The following KCNJ6 variants were observed in gnomAD, a reference collection of about 807,000 sequenced individuals.
The protein encoded by KCNJ6 is potassium inwardly rectifying channel subfamily J member 6.
Under a neutral mutation model 34.2 loss-of-function variants are expected in KCNJ6, and 9 were observed. That is an observed-to-expected ratio of 0.26 (90% CI 0.16 to 0.46). KCNJ6 has a LOEUF of 0.46. Ranked by LOEUF, KCNJ6 falls within the 20% of genes least tolerant of loss-of-function variation. The pLI is 1.00. For missense variants in KCNJ6, 236 were observed against 531.3 expected (o/e 0.44, Z 5.46); for synonymous variants, 196 against 207.1 (o/e 0.95, Z 0.46).
At chr21:37,690,669 T>C (rs2054635445) in intron 3 of KCNJ6, among the ~76,000 whole-genome samples, 1 of 152,234 alleles carries the variant, frequency 6.6e-6, no homozygotes, top group Non-Finnish European at 1.5e-5. Context: ...AAATGTGAAT[T>C]TTAAAAATTC....
At chr21:37,699,120 GA>G in intron 3 of KCNJ6, among the ~76,000 whole-genome samples, 1 of 152,202 alleles carries the variant, frequency 6.6e-6, no homozygotes, top group East Asian at 1.9e-4. Context: ...TTGTGACGGA[GA>G]CTATCCACAA....
rs117654820 is a variant in KCNJ6 at position 37,866,212 on chromosome 21, G to T, written c.-27-25503C>A. Among the ~76,000 whole-genome samples, 741 of 152,318 alleles carry T rather than the reference G, an allele frequency of 4.9e-3. 1 individual carries two copies. Among genetic ancestry groups the T allele is most frequent in the Non-Finnish European group, 8.3e-3 (566 of 68,030 alleles). On this transcript the variant is annotated intron_variant, in intron 1 of 3. Coordinates refer to ENST00000609713, the MANE Select transcript of KCNJ6 (RefSeq NM_002240.5). Reference sequence around the variant, plus strand: ...AGTTCCTGCCTGAGAGCTCCTGCCTGCTGTTCTTGGTGGCCTGCCCTTCAG... The same window carrying T: ...AGTTCCTGCCTGAGAGCTCCTGCCTTCTGTTCTTGGTGGCCTGCCCTTCAG...
intron 1 of KCNJ6, among the ~76,000 whole-genome samples, chr21:37,869,560 C>A (rs2123611075): frequency 6.6e-6 from 1 of 152,338 alleles, no homozygotes; most frequent in Non-Finnish European, 1.5e-5. Flanking sequence ...CTGCTCATTT[C>A]AAACCCTGTC....
At chr21:37,649,132 C>CAAAAAAAAAAAAAA (rs1169306298) in intron 3 of KCNJ6, among the ~76,000 whole-genome samples, 11 of 39,834 alleles carry the variant, frequency 2.8e-4, no homozygotes, top group Non-Finnish European at 4.7e-4. Context: ...GACTCCATCT[C>CAAAAAAAAAAAAAA]AAAAAAAAAA....
intron 1 of KCNJ6, among the ~76,000 whole-genome samples, chr21:37,844,654 C>A (rs2055497637): frequency 6.6e-6 from 1 of 152,218 alleles, no homozygotes; most frequent in South Asian, 2.1e-4. Context: ...TACCTCCTTG[C>A]CTTGGCAAGC....
At chr21:37,635,888 T>C (rs2054355699) in intron 3 of KCNJ6, among the ~76,000 whole-genome samples, 1 of 152,282 alleles carries the variant, frequency 6.6e-6, no homozygotes, top group Non-Finnish European at 1.5e-5. Flanking sequence ...TATCAAGTAC[T>C]ATATTAAAAA....
chr21:37,838,218 G>C (rs2055461606), intron 2 of KCNJ6, among the ~76,000 whole-genome samples: 1 of 152,176 alleles, frequency 6.6e-6, no homozygotes, highest in Non-Finnish European at 1.5e-5. Context: ...TAGAGATATT[G>C]TTCAGCCAAA....
rs945199906 is a variant in KCNJ6 at position 37,655,429 on chromosome 21, T to C, written c.947-29945A>G. Among the ~76,000 whole-genome samples the C allele has an allele frequency of 3.9e-4, 59 of 152,140 alleles. 1 individual carries two copies. The highest frequency in any genetic ancestry group is 1.3e-3 in the African/African-American group (53 of 41,412). The stretch of plus-strand genomic sequence containing the variant: ...TTATTTATGAAGAAGCTGAATGAAC[T>C]CATTGATTGTTCTTTACAAGAATTT... On this transcript the variant is annotated intron_variant, in intron 3 of 3. Coordinates refer to ENST00000609713, the MANE Select transcript of KCNJ6 (RefSeq NM_002240.5).
At chr21:37,709,404 C>A (rs2054738346) in intron 3 of KCNJ6, among the ~76,000 whole-genome samples, 1 of 152,080 alleles carries the variant, frequency 6.6e-6, no homozygotes. Context: ...ATCCCAGCTA[C>A]TCAGGAGGCT....
intron 1 of KCNJ6, among the ~76,000 whole-genome samples, chr21:37,862,709 G>T (rs1296809767): frequency 1.3e-5 from 2 of 152,180 alleles, no homozygotes; most frequent in African/African-American, 2.4e-5. Context: ...CTAGCGGTAG[G>T]CTGACTTAGT....
At position 37,714,655 on chromosome 21, in the gene KCNJ6, T is replaced by C; in HGVS notation, c.502A>G (p.Ile168Val). The C allele has an allele frequency of 6.2e-7, 1 of 1,613,974 alleles. No homozygotes were observed. Among genetic ancestry groups the C allele is most frequent in the Non-Finnish European group, 8.5e-7 (1 of 1,179,892 alleles). The change falls in exon 3 of 4, where the codon ATT (isoleucine) becomes GTT (valine). Residue 168 changes from isoleucine (I) to valine (V), a missense_variant. Around this residue, in one of 5 missense-constraint regions of KCNJ6, gnomAD observed 68 missense variants for 165.7 expected, o/e 0.41. Coordinates refer to ENST00000609713, the MANE Select transcript of KCNJ6 (RefSeq NM_002240.5). The surrounding 1 kb of genome is among the most constrained non-coding windows in gnomAD (Gnocchi z 5.9). ...ACAGATTGGATTAAGAGAAGAATAATTCCCTCTGGGCATTTATCTGTGATG... is the reference window on the plus strand; with the variant it reads ...ACAGATTGGATTAAGAGAAGAATAACTCCCTCTGGGCATTTATCTGTGATG... ...RVITDKCPEG[I>V]ILLLIQSVLG...
In KCNJ6 at chr21:37,822,178, C is replaced by T. The variant is rs1445298944; in HGVS notation, c.25+18480G>A. 3.3e-5 allele frequency among the ~76,000 whole-genome samples: 5 copies of T among 152,184 alleles called. No homozygotes were observed. In the South Asian group the frequency reaches 8.3e-4, roughly 25 times the overall value. On this transcript the variant is annotated intron_variant, in intron 2 of 3. Transcript: ENST00000609713. The stretch of plus-strand genomic sequence containing the variant: ...CAGATGTAATAACAATCTGGCTGCA[C>T]GTGGAGGATGACAGGTCCCTTGTCA...
At chr21:37,820,010 A>T (rs1435740389) in intron 2 of KCNJ6, among the ~76,000 whole-genome samples, 1 of 151,760 alleles carries the variant, frequency 6.6e-6, no homozygotes, top group Non-Finnish European at 1.5e-5. Flanking sequence ...CTGGTCTCGA[A>T]CTCCTGAGCT....
intron 2 of KCNJ6, among the ~76,000 whole-genome samples, chr21:37,761,351 T>C (rs1568838729): frequency 6.6e-6 from 1 of 151,220 alleles, no homozygotes; most frequent in African/African-American, 2.4e-5. Context: ...TATTTGTGTG[T>C]TGTATGTAGT....
chr21:37,710,123 A>T (rs2054743658), intron 3 of KCNJ6, among the ~76,000 whole-genome samples: 1 of 152,204 alleles, frequency 6.6e-6, no homozygotes, highest in Non-Finnish European at 1.5e-5. Context: ...TATCTCAACC[A>T]ATCACCATGT....
chr21:37,655,229 GAGAGAGAGAGAGAGAGAGAGA>G (rs2054456672), intron 3 of KCNJ6, among the ~76,000 whole-genome samples: 1 of 1,676 alleles, frequency 6.0e-4, no homozygotes, highest in African/African-American at 3.2e-3. Context: ...GTGTGTGAGA[GAGAGAGAGAGAGAGAGAGAGA>G]GAGAGAGAGA....
chr21:37,625,293 G>A lies in KCNJ6; in HGVS notation c.1138C>T (p.Pro380Ser). ...LAELASRAEL[P>S]LSWSVSSKLN... ...TTGCTGGATACAGACCAACTCAGGG[G>A]CAGCTCTGCCCTGCTGGCTAACTCG... Residue 380 changes from proline (P) to serine (S), a missense_variant, in exon 4 of 4, where the codon CCC becomes TCC. Pro to Ser is a moderately conservative substitution (Grantham distance 74). Coordinates refer to ENST00000609713, the MANE Select transcript of KCNJ6 (RefSeq NM_002240.5). The A allele has an allele frequency of 6.2e-7, 1 of 1,614,218 alleles. No individual in the cohort carries two copies. The highest frequency in any genetic ancestry group is 8.5e-7 in the Non-Finnish European group (1 of 1,180,034).
At chr21:37,753,145 G>C (rs1162528800) in intron 2 of KCNJ6, among the ~76,000 whole-genome samples, 1 of 152,214 alleles carries the variant, frequency 6.6e-6, no homozygotes, top group South Asian at 2.1e-4. Context: ...GCAAATGCCT[G>C]CAGCGTGTGC....
At chr21:37,754,865 T>G (rs1172606997) in intron 2 of KCNJ6, among the ~76,000 whole-genome samples, 2 of 152,158 alleles carry the variant, frequency 1.3e-5, no homozygotes, top group Admixed American at 6.5e-5. Context: ...TTCCTAGGAC[T>G]TGAGGCACCG....
Sources: allele counts gnomAD v4.1 joint callset (sites outside exome capture counted in the v4.1 genomes callset), GRCh38; gene constraint gnomAD v4.1.1; regional missense constraint gnomAD v4.1.1; non-coding constraint Gnocchi (gnomAD v3.1); transcripts MANE v1.5; gene names NCBI Gene and HGNC (gene_info 2026-07-23, HGNC 2026-07-21).